The following POLR3C variants were observed in gnomAD, a reference collection of about 807,000 sequenced individuals.
POLR3C encodes the protein RNA polymerase III subunit C, also known as DNA-directed RNA polymerase III subunit RPC3.
A neutral mutation model predicts 65.9 loss-of-function variants in POLR3C; 44 were observed. The observed-to-expected ratio is 0.67, with a 90% CI of 0.52 to 0.86. The LOEUF (loss-of-function observed/expected upper bound fraction) is 0.86, where lower values mean the gene tolerates loss of function less well. Among genes scored for constraint, POLR3C ranks in the 40% least tolerant of loss-of-function variants. The pLI is 0.00. For missense variants in POLR3C, 576 were observed against 653.2 expected (o/e 0.88, Z 1.29); for synonymous variants, 263 against 231.6 (o/e 1.14, Z -1.23).
chr1:145,835,976 G>A (rs1370001266), intron 7 of POLR3C, among the ~76,000 whole-genome samples: 1 of 152,074 alleles, frequency 6.6e-6, no homozygotes, highest in Non-Finnish European at 1.5e-5. Flanking sequence ...CATAATGACT[G>A]TATCATATTC....
In POLR3C at chr1:145,833,597, C is replaced by G; in HGVS notation, c.876+15C>G. On this transcript the variant is annotated intron_variant, in intron 7 of 14. Coordinates refer to ENST00000334163, the MANE Select transcript of POLR3C (RefSeq NM_006468.8). ...CTTCCAATGAGGTGAGTTTCATGTT[C>G]TTGCACTAACTTTCTGACAGATTCT... 7 of 1,480,494 alleles carry G rather than the reference C, an allele frequency of 4.7e-6. No homozygotes were observed. Among genetic ancestry groups the G allele is most frequent in the South Asian group, 1.1e-5 (1 of 88,408 alleles). 91.7% of individuals were successfully genotyped at this position (1,480,494 alleles called of 1,614,324 possible). A position where few individuals can be genotyped will look rare whatever the true frequency, so the allele number is the denominator to read the frequency against.
chr1:145,836,490 A>G lies in POLR3C; in HGVS notation c.877-4A>G, dbSNP rs782041365. 3.8e-6 allele frequency: 6 copies of G among 1,563,228 alleles called. No homozygotes were observed. Among genetic ancestry groups the G allele is most frequent in the South Asian group, 2.2e-5 (2 of 89,986 alleles). ...ACCCATTTTAAGTGTCCTTTGCTCC[A>G]TAGATCTTCAGATCCCTACCTGTTG... On this transcript the variant is annotated splice_region_variant and splice_polypyrimidine_tract_variant and intron_variant, in intron 7 of 14. Coordinates refer to ENST00000334163, the MANE Select transcript of POLR3C (RefSeq NM_006468.8).
rs1200070592 is a variant in POLR3C at position 145,844,082 on chromosome 1, C to T, written c.*1662C>T. Among the ~76,000 whole-genome samples, 2 of 152,160 alleles carry T rather than the reference C, an allele frequency of 1.3e-5. No individual in the cohort carries two copies. Among genetic ancestry groups the T allele is most frequent in the Non-Finnish European group, 2.9e-5 (2 of 68,030 alleles). ...ACACTGTTGGGAATGTAAATTGGTA[C>T]AGCCACTGTGGAAGACTACAGAGGT... On this transcript the variant is annotated 3_prime_UTR_variant, in exon 15 of 15. Coordinates refer to ENST00000334163, the MANE Select transcript of POLR3C (RefSeq NM_006468.8).
At chr1:145,838,460 T>G (rs1553729453) in intron 11 of POLR3C, among the ~76,000 whole-genome samples, 1 of 152,052 alleles carries the variant, frequency 6.6e-6, no homozygotes, top group East Asian at 1.9e-4. Flanking sequence ...GGTGGGCAAA[T>G]CACTTGAGGT....
chr1:145,825,957 C>A (rs782435884), intron 2 of POLR3C, 34 bp downstream of exon 2: 3 of 1,534,768 alleles, frequency 2.0e-6, no homozygotes, highest in Admixed American at 1.7e-5. Context: ...TCTCTCATTT[C>A]TTTCACTAAT....
At chr1:145,828,723 T>C in intron 4 of POLR3C, 26 bp from the exon 5 acceptor site, 1 of 1,433,152 alleles carries the variant, frequency 7.0e-7, no homozygotes, top group Non-Finnish European at 9.9e-7. Flanking sequence ...AGATATAGTC[T>C]AAGTGTTTAA....
Position 145,825,756 on chromosome 1 carries a change from G to A in POLR3C, c.-20-1G>A. Reference sequence around the variant, plus strand: ...GTACCATTTTGGTGTTTTTTCCCTAGCTCTCAGACTCCCCAGTACAATGAC... The same window carrying A: ...GTACCATTTTGGTGTTTTTTCCCTAACTCTCAGACTCCCCAGTACAATGAC... On this transcript the variant is annotated splice_acceptor_variant, in intron 1 of 14. Transcript: ENST00000334163. LOFTEE classifies it low-confidence loss of function (5UTR_SPLICE). 1 of 1,601,352 alleles carries A rather than the reference G, an allele frequency of 6.2e-7. No homozygotes were observed. The highest frequency in any genetic ancestry group is 8.5e-7 in the Non-Finnish European group (1 of 1,171,742).
rs1320545531 is a variant in POLR3C at position 145,843,807 on chromosome 1, A to G, written c.*1387A>G. Reference sequence around the variant, plus strand: ...TCTTAACAAGGGATTCGTAACCAGAATATATAAGGAGCTCAAACAATAGCA... The same window carrying G: ...TCTTAACAAGGGATTCGTAACCAGAGTATATAAGGAGCTCAAACAATAGCA... On this transcript the variant is annotated 3_prime_UTR_variant, in exon 15 of 15. Coordinates refer to ENST00000334163, the MANE Select transcript of POLR3C (RefSeq NM_006468.8). Among the ~76,000 whole-genome samples, 2 of 152,216 alleles carry G rather than the reference A, an allele frequency of 1.3e-5. No individual in the cohort carries two copies. The highest frequency in any genetic ancestry group is 6.5e-5 in the Admixed American group (1 of 15,276).
Position 145,840,947 on chromosome 1 carries a change from G to A in POLR3C, c.1399G>A (p.Val467Ile). The A allele has an allele frequency of 1.2e-6, 2 of 1,612,736 alleles. No individual in the cohort carries two copies. Among genetic ancestry groups the A allele is most frequent in the Non-Finnish European group, 1.7e-6 (2 of 1,178,732 alleles). Reference protein sequence around the residue: ...NKRLLEKSQRVEAIIASMQAT... With the variant: ...NKRLLEKSQRIEAIIASMQAT... The stretch of plus-strand genomic sequence containing the variant: ...GCGTCTACTAGAAAAATCTCAGAGG[G>A]TAGAAGCCATCATTGCATCTATGCA... The change falls in exon 14 of 15, where the codon GTA (valine) becomes ATA (isoleucine). Residue 467 changes from valine (V) to isoleucine (I), a missense_variant. By Grantham distance (29) the Val-to-Ile change is conservative (BLOSUM62 3). Transcript: ENST00000334163.
Position 145,825,908 on chromosome 1 carries a change from A to T in POLR3C, c.132A>T (p.Gly44=), listed in dbSNP as rs1553725646. 6.2e-7 allele frequency: 1 copy of T among 1,612,726 alleles called. No individual in the cohort carries two copies. The highest frequency in any genetic ancestry group is 1.1e-5 in the South Asian group (1 of 91,024). Residue 44 remains glycine (G), a synonymous_variant, in exon 2 of 15, where the codon GGA becomes GGT. Transcript: ENST00000334163. The part of the protein sequence containing the change: ...QPLRVIAHDT[G]TSLDQVKKAL... The stretch of plus-strand genomic sequence containing the variant: ...TAAGAGTAATTGCCCATGACACAGG[A>T]ACATCACTGGATCAGGTATGTCTAA...
intron 10 of POLR3C, among the ~76,000 whole-genome samples, 174 bp downstream of exon 10, chr1:145,837,770 GT>G (rs1559151043): frequency 6.6e-6 from 1 of 152,184 alleles, no homozygotes; most frequent in Non-Finnish European, 1.5e-5. Context: ...ATAACCTACT[GT>G]TTAATTCCTA....
rs587687144 is a variant in POLR3C at position 145,832,309 on chromosome 1, T to G, written c.679-951T>G. Among the ~76,000 whole-genome samples the G allele has an allele frequency of 3.3e-5, 5 of 152,236 alleles. No homozygotes were observed. In the East Asian group the frequency reaches 9.7e-4, roughly 29 times the overall value. On this transcript the variant is annotated intron_variant, in intron 5 of 14. Transcript: ENST00000334163. ...TGAGATGGCCAACTGTTTGAGAAGC[T>G]TGGCTGTGACACTAAGGAAAAGAAG...
intron 1 of POLR3C, among the ~76,000 whole-genome samples, chr1:145,825,286 T>C (rs1650631389): frequency 6.6e-6 from 1 of 152,110 alleles, no homozygotes; most frequent in South Asian, 2.1e-4. Flanking sequence ...TTTTTTTGTG[T>C]GTTTTTAGTA....
chr1:145,838,417 C>T (rs1031296456), intron 11 of POLR3C, among the ~76,000 whole-genome samples: 2 of 152,084 alleles, frequency 1.3e-5, no homozygotes, highest in African/African-American at 2.4e-5. Flanking sequence ...CACGGTGGTT[C>T]GCGCCTGTAG....
At position 145,840,103 on chromosome 1, in the gene POLR3C, T is replaced by G. The variant is rs587606010; in HGVS notation, c.1324-13T>G. On this transcript the variant is annotated splice_polypyrimidine_tract_variant and intron_variant, in intron 12 of 14. Transcript: ENST00000334163. ...AACTATGTGCATTCCTTGTCTGTCTTCTCTTTCCTCAGAGCATAGCCAACT... is the reference window on the plus strand; with the variant it reads ...AACTATGTGCATTCCTTGTCTGTCTGCTCTTTCCTCAGAGCATAGCCAACT... 2.4e-5 allele frequency: 38 copies of G among 1,603,518 alleles called. No homozygotes were observed. The highest frequency in any genetic ancestry group is 1.7e-4 in the Admixed American group (10 of 60,010).
chr1:145,826,928 C>A lies in POLR3C; in HGVS notation c.512C>A (p.Pro171His), dbSNP rs201018887. 1 of 1,613,480 alleles carries A rather than the reference C, an allele frequency of 6.2e-7. No homozygotes were observed. Among genetic ancestry groups the A allele is most frequent in the East Asian group, 2.2e-5 (1 of 44,884 alleles). Reference protein sequence around the residue: ...PSVPTTENSDPGPPPPAPTLV... With the variant: ...PSVPTTENSDHGPPPPAPTLV... ...GTACCTACCACTGAGAATTCAGACC[C>A]TGGGCCACCACCACCTGCCCCCACA... The change falls in exon 4 of 15, where the codon CCT becomes CAT. Residue 171 changes from proline (P) to histidine (H), a missense_variant. Transcript: ENST00000334163.
At position 145,833,578 on chromosome 1, in the gene POLR3C, A is replaced by G. The variant is rs781944854; in HGVS notation, c.872A>G (p.Asn291Ser). 177 of 1,593,650 alleles carry G rather than the reference A, an allele frequency of 1.1e-4. 1 individual carries two copies. The East Asian group carries it at 1.9e-3, about 17-fold the overall frequency. ...CCCTTCACCCAGCCATTGTCTTCCA[A>G]TGAGGTGAGTTTCATGTTCTTGCAC... ...SAPFTQPLSS[N>S]EIFRSLPVGY... The change falls in exon 7 of 15, where the codon AAT becomes AGT. Residue 291 changes from asparagine to serine, a missense_variant. Coordinates refer to ENST00000334163, the MANE Select transcript of POLR3C (RefSeq NM_006468.8).
rs1349461967 is a variant in POLR3C, at chr1:145,843,227, A to G, written c.*807A>G. Among the ~76,000 whole-genome samples, 1 of 152,178 alleles carries G rather than the reference A, an allele frequency of 6.6e-6. No homozygotes were observed. Among genetic ancestry groups the G allele is most frequent in the Admixed American group, 6.6e-5 (1 of 15,266 alleles). ...CTGAAACTGTGTATGTAGAACAGCT[A>G]GCTCAATGCCTGGCATATGGTAAGC... On this transcript the variant is annotated 3_prime_UTR_variant, in exon 15 of 15. Coordinates refer to ENST00000334163, the MANE Select transcript of POLR3C (RefSeq NM_006468.8).
intron 1 of POLR3C, among the ~76,000 whole-genome samples, chr1:145,825,411 A>G (rs1650646262): frequency 6.6e-6 from 1 of 152,202 alleles, no homozygotes; most frequent in African/African-American, 2.4e-5. Flanking sequence ...GCGCCAGCCT[A>G]TTATGAATAA....
Sources: allele counts gnomAD v4.1 joint callset (sites outside exome capture counted in the v4.1 genomes callset), GRCh38; gene constraint gnomAD v4.1.1; transcripts MANE v1.5; gene names NCBI Gene and HGNC (gene_info 2026-07-23, HGNC 2026-07-21).